EFCAB7: variants seen among roughly 807,000 people sequenced by gnomAD.
EFCAB7 encodes EF-hand calcium binding domain 7.
EFCAB7 carries 66 observed loss-of-function variants against 77.1 expected under a neutral mutation model. That is an observed-to-expected ratio of 0.86 (90% CI 0.70 to 1.05). The LOEUF (loss-of-function observed/expected upper bound fraction) is 1.05. Among genes scored for constraint, EFCAB7 ranks in the 50% least tolerant of loss-of-function variants. The pLI, the probability that EFCAB7 is intolerant of heterozygous loss-of-function variation, is 0.00. For synonymous variants in EFCAB7, 225 were observed against 243.3 expected, an observed-to-expected ratio of 0.92 and a Z score of 0.70; for missense variants, 638 against 730.5, an observed-to-expected ratio of 0.87 and a Z score of 1.46.
intron 5 of EFCAB7, among the ~76,000 whole-genome samples, 169 bp downstream of exon 5, chr1:63,533,818 T>G (rs557256664): frequency 2.0e-5 from 3 of 152,254 alleles, no homozygotes; most frequent in South Asian, 4.1e-4. Context: ...AAGTAAAATT[T>G]TATTATGGAA....
chr1:63,557,506 T>G (rs916503331), intron 10 of EFCAB7, among the ~76,000 whole-genome samples: 5 of 152,184 alleles, frequency 3.3e-5, no homozygotes, highest in Non-Finnish European at 5.9e-5. Context: ...TCTTCGGGGT[T>G]TAGAAGACAA....
chr1:63,563,411 T>C (rs1421846531), intron 11 of EFCAB7, among the ~76,000 whole-genome samples: 1 of 152,242 alleles, frequency 6.6e-6, no homozygotes, highest in Non-Finnish European at 1.5e-5. Context: ...AGGAGAGCTA[T>C]GCTGATCAGG....
At chr1:63,563,956 GC>G (rs747708589) in intron 11 of EFCAB7, among the ~76,000 whole-genome samples, 2 of 151,992 alleles carry the variant, frequency 1.3e-5, no homozygotes, top group South Asian at 2.1e-4. Flanking sequence ...GTTTAGTTTT[GC>G]CCCCCTTTTT....
chr1:63,542,725 T>C (rs1452352401), intron 6 of EFCAB7, among the ~76,000 whole-genome samples: 1 of 152,242 alleles, frequency 6.6e-6, no homozygotes, highest in African/African-American at 2.4e-5. Flanking sequence ...GAGCATCTCT[T>C]CATTTGCTTA....
chr1:63,574,979 G>A (rs1213948190), downstream of EFCAB7, among the ~76,000 whole-genome samples: 1 of 152,042 alleles, frequency 6.6e-6, no homozygotes, highest in Non-Finnish European at 1.5e-5. Flanking sequence ...TTACATGTAT[G>A]AATATTTCTG....
At chr1:63,549,282 C>G in intron 7 of EFCAB7, 1 of 463,538 alleles carries the variant, frequency 2.2e-6, no homozygotes, top group Non-Finnish European at 4.4e-6. Context: ...CTTACCTCAG[C>G]AATTCTTACC....
the EFCAB7 span, among the ~76,000 whole-genome samples, chr1:63,583,938 C>CAAAA: frequency 1.1e-3 from 88 of 82,626 alleles, no homozygotes; most frequent in African/African-American, 4.0e-3. Flanking sequence ...TGGATATGGC[C>CAAAA]AAAAAAAAAA....
intron 11 of EFCAB7, among the ~76,000 whole-genome samples, chr1:63,564,352 G>C (rs1647145208): frequency 6.6e-6 from 1 of 152,104 alleles, no homozygotes; most frequent in Non-Finnish European, 1.5e-5. Flanking sequence ...TTTTAGATGT[G>C]ATAAGATTTT....
downstream of EFCAB7, among the ~76,000 whole-genome samples, chr1:63,573,649 T>G (rs761057922): frequency 7.9e-5 from 12 of 152,146 alleles, no homozygotes; most frequent in Non-Finnish European, 1.6e-4. Flanking sequence ...GGAGTATGAC[T>G]AGACAGAAGA....
intron 5 of EFCAB7, 127 bp downstream of exon 5, chr1:63,533,776 T>G: frequency 1.4e-6 from 1 of 713,650 alleles, no homozygotes. Context: ...TAGCTACTAT[T>G]TCTAGACTCT....
At chr1:63,554,372 G>A (rs191156086) in intron 8 of EFCAB7, among the ~76,000 whole-genome samples, 80 of 152,120 alleles carry the variant, frequency 5.3e-4, no homozygotes, top group African/African-American at 1.8e-3. Flanking sequence ...ACAGAGTCTC[G>A]TTCTATCACT....
intron 3 of EFCAB7, 50 bp downstream of exon 3, chr1:63,532,081 T>A: frequency 7.1e-7 from 1 of 1,408,718 alleles, no homozygotes; most frequent in South Asian, 1.2e-5. Flanking sequence ...TAAAACAGCT[T>A]GGAATCTAGC....
chr1:63,533,434 G>A lies in EFCAB7; in HGVS notation c.487-20G>A. 1 of 1,588,842 alleles carries A rather than the reference G, an allele frequency of 6.3e-7. No individual in the cohort carries two copies. Among genetic ancestry groups the A allele is most frequent in the South Asian group, 1.1e-5 (1 of 87,012 alleles). Reference sequence around the variant, plus strand: ...TGTATGATTGAATGTTTTACCCACTGGACTTTTTTTTTCCTGTAGTTTTGT... The same window carrying A: ...TGTATGATTGAATGTTTTACCCACTAGACTTTTTTTTTCCTGTAGTTTTGT... On this transcript the variant is annotated intron_variant, in intron 4 of 13. Transcript: ENST00000371088.
At chr1:63,559,228 G>A (rs959525158) in intron 10 of EFCAB7, among the ~76,000 whole-genome samples, 16 of 147,004 alleles carry the variant, frequency 1.1e-4, no homozygotes, top group Non-Finnish European at 1.9e-4. Flanking sequence ...CTTGAGCTTG[G>A]GAGGTGGAGG....
chr1:63,537,440 T>C (rs1230589208), intron 6 of EFCAB7, among the ~76,000 whole-genome samples: 1 of 152,200 alleles, frequency 6.6e-6, no homozygotes, highest in East Asian at 1.9e-4. Context: ...TCAAAACATA[T>C]ATAGCATCTA....
chr1:63,541,850 A>G (rs563516850), intron 6 of EFCAB7, among the ~76,000 whole-genome samples: 20 of 152,284 alleles, frequency 1.3e-4, no homozygotes, highest in African/African-American at 4.8e-4. Flanking sequence ...GGAGTGAGCC[A>G]CCATGCCCAG....
At chr1:63,572,067 C>A (rs74078274) in intron 13 of EFCAB7, among the ~76,000 whole-genome samples, 2,692 of 152,250 alleles carry the variant, frequency 0.018, 96 homozygotes, top group African/African-American at 0.061. Flanking sequence ...CTTTCTTTCT[C>A]CATACTGTCC....
intron 7 of EFCAB7, among the ~76,000 whole-genome samples, chr1:63,550,787 T>C (rs993713372): frequency 3.3e-5 from 5 of 152,050 alleles, no homozygotes; most frequent in Non-Finnish European, 7.4e-5. Flanking sequence ...TGGGTATATT[T>C]TGAAGGCAGA....
intron 6 of EFCAB7, among the ~76,000 whole-genome samples, chr1:63,544,023 G>T (rs1026146761): frequency 4.2e-5 from 6 of 144,038 alleles, no homozygotes; most frequent in Non-Finnish European, 6.0e-5. Context: ...AGGCTGGAGT[G>T]TAGTGGCATG....
Sources: gnomAD v4.1 joint callset for allele counts (sites outside exome capture counted in the v4.1 genomes callset) on GRCh38, gnomAD v4.1.1 for gene constraint, MANE v1.5 for transcripts, NCBI Gene and HGNC (gene_info 2026-07-23, HGNC 2026-07-21) for gene names.